Variants in NFIC observed in about 807,000 individuals in gnomAD.
NFIC encodes the protein nuclear factor I C.
Under a neutral mutation model 54.4 loss-of-function variants are expected in NFIC, and 12 were observed. That is an observed-to-expected ratio of 0.22 (90% CI 0.14 to 0.36). The LOEUF is 0.36. Among genes scored for constraint, NFIC ranks in the 10% least tolerant of loss-of-function variants. The probability of loss-of-function intolerance (pLI) is 1.00; values close to 1 mark genes in which losing one functional copy is unlikely to be tolerated. For missense variants in NFIC, 575 were observed against 718.2 expected (o/e 0.80, Z 2.28); for synonymous variants, 322 against 319.2 (o/e 1.01, Z -0.09).
intron 5 of NFIC, 105 bp from the exon 6 acceptor site, chr19:3,434,978 C>T: frequency 7.2e-7 from 1 of 1,388,678 alleles, no homozygotes; most frequent in Non-Finnish European, 9.6e-7. Context: ...ATACTACCTC[C>T]CTCGCCCCCG....
intron 2 of NFIC, among the ~76,000 whole-genome samples, chr19:3,385,488 G>A (rs903711952): frequency 1.3e-5 from 2 of 151,880 alleles, no homozygotes; most frequent in African/African-American, 4.8e-5. Context: ...GGTGGTTATC[G>A]TTACTAACAT....
chr19:3,447,258 C>CA (rs1269597655), intron 6 of NFIC, among the ~76,000 whole-genome samples: 1 of 148,144 alleles, frequency 6.8e-6, no homozygotes, highest in Admixed American at 6.8e-5. Context: ...GAGATCACGC[C>CA]ATTGCACTCC....
rs200551240 is a variant in NFIC at position 3,382,171 on chromosome 19, G to A, written c.490G>A (p.Val164Met). The stretch of plus-strand genomic sequence containing the variant: ...GCAGTGCGGTCACCCGGTCCTGTGC[G>A]TGCAGCCGCACCACATTGGCGTGGC... ...AAQCGHPVLC[V>M]QPHHIGVAVK... Residue 164 changes from valine (V) to methionine (M), a missense_variant, in exon 2 of 11, where the codon GTG becomes ATG. Val to Met is a conservative substitution (Grantham distance 21). This residue lies in a region of NFIC where 447 missense variants were observed against 526.9 expected (regional missense o/e 0.85). Coordinates refer to ENST00000443272, the MANE Select transcript of NFIC (RefSeq NM_001245002.2). 2.5e-6 allele frequency: 4 copies of A among 1,612,412 alleles called. No individual in the cohort carries two copies. Among genetic ancestry groups the A allele is most frequent in the Non-Finnish European group, 3.4e-6 (4 of 1,179,938 alleles).
intron 2 of NFIC, among the ~76,000 whole-genome samples, chr19:3,421,683 G>A (rs2081956352): frequency 6.6e-6 from 1 of 152,260 alleles, no homozygotes; most frequent in African/African-American, 2.4e-5. Context: ...CACGGTGTGT[G>A]CATAGCCATT....
rs145828739 is a variant in NFIC, at chr19:3,425,109, C to A, written c.566C>A (p.Ala189Glu). 9.0e-4 allele frequency: 1,460 copies of A among 1,613,362 alleles called. 1 individual carries two copies. The highest frequency in any genetic ancestry group is 1.5e-3 in the Middle Eastern group (9 of 6,062). ...TGTTTCTTCCCTCTCTTTGCAGATG[C>A]AGAGCAAAGCGGCAGTCCCCGGACA... ...YLAYFVRERD[A>E]EQSGSPRTGM... The change falls in exon 3 of 11, where the codon GCA becomes GAA. Residue 189 changes from alanine (A) to glutamate (E), a missense_variant. Coordinates refer to ENST00000443272, the MANE Select transcript of NFIC (RefSeq NM_001245002.2).
intron 10 of NFIC, 118 bp downstream of exon 10, chr19:3,456,753 C>A (rs1012458273): frequency 5.9e-6 from 6 of 1,015,812 alleles, no homozygotes; most frequent in Non-Finnish European, 8.8e-6. Flanking sequence ...CACAGGGGCG[C>A]CAGCCTCCCA....
At chr19:3,417,717 C>G (rs1162677238) in intron 2 of NFIC, among the ~76,000 whole-genome samples, 2 of 150,776 alleles carry the variant, frequency 1.3e-5, no homozygotes, top group African/African-American at 2.4e-5. Flanking sequence ...CCTCTGCCTC[C>G]CGGGTTCACG....
intron 2 of NFIC, among the ~76,000 whole-genome samples, chr19:3,391,919 A>G (rs960428508): frequency 1.3e-5 from 2 of 152,162 alleles, no homozygotes; most frequent in African/African-American, 2.4e-5. Context: ...TGTCGTTATC[A>G]TGATCGTCAT....
rs765901333 is a variant in NFIC at position 3,420,729 on chromosome 19, CCTT to C, written c.563-4376_563-4374del. On this transcript the variant is annotated intron_variant, in intron 2 of 10. Transcript: ENST00000443272. ...AGTTTTATTAATAATTCATTCATCA[CCTT>C]TTTTTTTTTGAGATGGAGTCACTCT... Among the ~76,000 whole-genome samples the C allele has an allele frequency of 3.1e-3, 467 of 151,922 alleles. 1 individual carries two copies. The highest frequency in any genetic ancestry group is 4.6e-3 in the Non-Finnish European group (311 of 67,926).
At chr19:3,436,504 C>T (rs377470515) in intron 6 of NFIC, among the ~76,000 whole-genome samples, 1 of 146,862 alleles carries the variant, frequency 6.8e-6, no homozygotes, top group African/African-American at 2.5e-5. Flanking sequence ...GAGATGGAGT[C>T]TTGCTCTGTC....
At chr19:3,362,504 T>C (rs1297278793), upstream of NFIC, among the ~76,000 whole-genome samples, 2 of 151,834 alleles carry the variant, frequency 1.3e-5, no homozygotes, top group African/African-American at 4.8e-5. Flanking sequence ...TGGGTCTGTT[T>C]TTATGTGAGT....
At chr19:3,447,584 C>CCGAT (rs2082392286) in intron 6 of NFIC, among the ~76,000 whole-genome samples, 1 of 152,242 alleles carries the variant, frequency 6.6e-6, no homozygotes, top group South Asian at 2.1e-4. Flanking sequence ...AGAGAATGCC[C>CCGAT]CGATGCCCAG....
At chr19:3,367,100 G>A (rs1426628768) in intron 1 of NFIC, among the ~76,000 whole-genome samples, 1 of 152,134 alleles carries the variant, frequency 6.6e-6, no homozygotes, top group Non-Finnish European at 1.5e-5. Flanking sequence ...GTCGTGATTG[G>A]ACCCTGGGTC....
At chr19:3,454,045 C>T (rs891776119) in intron 9 of NFIC, 129 bp downstream of exon 9, 21 of 1,381,612 alleles carry the variant, frequency 1.5e-5, no homozygotes, top group Admixed American at 1.1e-4. Flanking sequence ...GGTGGGTCTC[C>T]GGAAAACAGC....
In NFIC at chr19:3,449,109, C is replaced by T; in HGVS notation, c.1054C>T (p.His352Tyr). 1 of 1,613,752 alleles carries T rather than the reference C, an allele frequency of 6.2e-7. No homozygotes were observed. Among genetic ancestry groups the T allele is most frequent in the African/African-American group, 1.3e-5 (1 of 75,046 alleles). The part of the protein sequence containing the change: ...DSPRLSSFTQ[H>Y]HRPVIAVHSG... ...TCCCCGCCTCTCCAGCTTCACCCAGCACCACCGGCCCGTCATCGCCGTGCA... is the reference window on the plus strand; with the variant it reads ...TCCCCGCCTCTCCAGCTTCACCCAGTACCACCGGCCCGTCATCGCCGTGCA... Residue 352 changes from histidine to tyrosine, a missense_variant, in exon 7 of 11, where the codon CAC becomes TAC. By Grantham distance (83) the His-to-Tyr change is moderately conservative. Around this residue, in one of 3 missense-constraint regions of NFIC, gnomAD observed 447 missense variants for 526.9 expected, o/e 0.85. Coordinates refer to ENST00000443272, the MANE Select transcript of NFIC (RefSeq NM_001245002.2).
chr19:3,456,525 C>T, intron 9 of NFIC, 25 bp from the exon 10 acceptor site: 2 of 1,549,822 alleles, frequency 1.3e-6, no homozygotes, highest in South Asian at 2.4e-5. Context: ...CGCTAACGGG[C>T]TCTCGGTCTC....
chr19:3,426,057 C>G (rs908538313), intron 3 of NFIC, among the ~76,000 whole-genome samples: 2 of 148,854 alleles, frequency 1.3e-5, no homozygotes, highest in African/African-American at 5.0e-5. Flanking sequence ...GCCTCAGCCT[C>G]CTGAGTAGCT....
At chr19:3,410,801 G>C (rs1317647715) in intron 2 of NFIC, 1 of 152,292 alleles carries the variant, frequency 6.6e-6, no homozygotes. Flanking sequence ...GGCAGCGATT[G>C]GAAACGCCCG....
intron 10 of NFIC, among the ~76,000 whole-genome samples, chr19:3,460,053 C>G (rs569921620): frequency 6.6e-6 from 1 of 152,344 alleles, no homozygotes; most frequent in African/African-American, 2.4e-5. Context: ...TCTGCAGAGA[C>G]TGAGGCCGGA....
Sources: gnomAD v4.1 joint callset for allele counts (sites outside exome capture counted in the v4.1 genomes callset) on GRCh38, gnomAD v4.1.1 for gene constraint, gnomAD v4.1.1 regional missense constraint, MANE v1.5 for transcripts, NCBI Gene and HGNC (gene_info 2026-07-23, HGNC 2026-07-21) for gene names.